The following MAN2B2 variants were observed in gnomAD, a reference collection of about 807,000 sequenced individuals.
MAN2B2 encodes the protein mannosidase alpha class 2B member 2, also known as epididymis-specific alpha-mannosidase.
MAN2B2 carries 106 observed loss-of-function variants against 117.1 expected under a neutral mutation model. The observed-to-expected ratio is 0.90, with a 90% CI of 0.77 to 1.06. The LOEUF (loss-of-function observed/expected upper bound fraction) is 1.06. Ranked by LOEUF, MAN2B2 falls within the 50% of genes least tolerant of loss-of-function variation. The pLI is 0.00. For synonymous variants in MAN2B2, 544 were observed against 595.1 expected (o/e 0.91, Z 1.25); for missense variants, 1,326 against 1,381.4 (o/e 0.96, Z 0.64).
chr4:6,575,300 C>G lies in MAN2B2; in HGVS notation c.90C>G (p.Phe30Leu), dbSNP rs1163778845. 6.3e-7 allele frequency: 1 copy of G among 1,575,234 alleles called. No individual in the cohort carries two copies. Among genetic ancestry groups the G allele is most frequent in the Non-Finnish European group, 8.6e-7 (1 of 1,166,378 alleles). ...AGTCCGCCGGCCCCATCCGGGCCTT[C>G]GTGGTGCCCCACAGCCACATGGACG... ...GVQSAGPIRAFVVPHSHMDVG... is the reference protein window; with the variant it reads ...GVQSAGPIRALVVPHSHMDVG... Residue 30 changes from phenylalanine to leucine, a missense_variant, in exon 1 of 19, where the codon TTC (phenylalanine) becomes TTG (leucine). Coordinates refer to ENST00000285599, the MANE Select transcript of MAN2B2 (RefSeq NM_015274.3).
rs370419622 is a variant in MAN2B2, at chr4:6,598,208, A to G, written c.1259A>G (p.His420Arg). Reference sequence around the variant, plus strand: ...TGGGGGTTGCTGCAGGTCCAGCACCATGATGCCATCACTGGGACTGAGTCC... The same window carrying G: ...TGGGGGTTGCTGCAGGTCCAGCACCGTGATGCCATCACTGGGACTGAGTCC... ...LRWAVSEVQH[H>R]DAITGTESPK... Residue 420 changes from histidine (H) to arginine (R), a missense_variant, in exon 9 of 19, where the codon CAT becomes CGT. Coordinates refer to ENST00000285599, the MANE Select transcript of MAN2B2 (RefSeq NM_015274.3). The G allele has an allele frequency of 5.0e-6, 8 of 1,613,426 alleles. No homozygotes were observed. The African/African-American group carries it at 1.1e-4, about 22-fold the overall frequency.
At position 6,610,968 on chromosome 4, in the gene MAN2B2, G is replaced by A; in HGVS notation, c.2348G>A (p.Ser783Asn). 2 of 1,614,216 alleles carry A rather than the reference G, an allele frequency of 1.2e-6. No individual in the cohort carries two copies. The highest frequency in any genetic ancestry group is 1.7e-6 in the Non-Finnish European group (2 of 1,180,030). The part of the protein sequence containing the change: ...LLSERAHGIS[S>N]QGNGQVEVML... ...TCGGAGCGGGCACATGGCATCTCCA[G>A]CCAAGGGAATGGGCAGGTGGAGGTA... Residue 783 changes from serine (S) to asparagine (N), a missense_variant, in exon 14 of 19, where the codon AGC becomes AAC. Transcript: ENST00000285599.
At chr4:6,590,418 T>G (rs986128266) in intron 5 of MAN2B2, among the ~76,000 whole-genome samples, 1 of 152,078 alleles carries the variant, frequency 6.6e-6, no homozygotes, top group African/African-American at 2.4e-5. Flanking sequence ...TGATGAGGTC[T>G]TTACATCAGT....
intron 3 of MAN2B2, among the ~76,000 whole-genome samples, chr4:6,579,003 T>TCACCACCACCACCACCATCACCATCAC (rs1726182425): frequency 9.2e-6 from 1 of 108,942 alleles, no homozygotes; most frequent in Non-Finnish European, 2.0e-5. Context: ...ACCACTACCA[T>TCACCACCACCACCACCATCACCATCAC]CACCACCACC....
intron 13 of MAN2B2, 55 bp downstream of exon 13, chr4:6,610,105 A>G (rs1727712676): frequency 3.8e-6 from 6 of 1,598,568 alleles, no homozygotes; most frequent in Admixed American, 1.7e-5. Context: ...TCCTGGACCC[A>G]TTAAGCATCA....
intron 7 of MAN2B2, among the ~76,000 whole-genome samples, chr4:6,595,956 G>A (rs1258009425): frequency 6.6e-6 from 1 of 152,196 alleles, no homozygotes; most frequent in Non-Finnish European, 1.5e-5. Context: ...ACACGGGTTG[G>A]GGGATGTCCG....
chr4:6,614,240 A>G lies in MAN2B2; in HGVS notation c.2586A>G (p.Gly862=), dbSNP rs1324422750. The change falls in exon 16 of 19, where the codon GGA becomes GGG. Residue 862 remains glycine, a synonymous_variant. Transcript: ENST00000285599. The part of the protein sequence containing the change: ...DLAGTAPKLP[G]PQQQEAVTLP... ...CAGGGACTGCGCCGAAGCTCCCAGG[A>G]CCCCAGCAGCAAGAGGCCGTGACGC... is the stretch of plus-strand genomic sequence containing the variant. The G allele has an allele frequency of 2.5e-6, 4 of 1,613,986 alleles. No homozygotes were observed. In the South Asian group the frequency reaches 4.4e-5, roughly 18 times the overall value.
At chr4:6,599,369 ATGC>A (rs1277225367) in intron 9 of MAN2B2, among the ~76,000 whole-genome samples, 1 of 152,040 alleles carries the variant, frequency 6.6e-6, no homozygotes, top group Non-Finnish European at 1.5e-5. Context: ...GTCTGTCAAA[ATGC>A]TGCTATCTGG....
chr4:6,600,077 CAGG>C, intron 9 of MAN2B2, among the ~76,000 whole-genome samples: 1 of 152,310 alleles, frequency 6.6e-6, no homozygotes, highest in Middle Eastern at 3.4e-3. Context: ...TTCAGGGATC[CAGG>C]AGTTCTCAGG....
At chr4:6,587,327 G>A (rs1385813876) in intron 4 of MAN2B2, among the ~76,000 whole-genome samples, 159 bp downstream of exon 4, 2 of 152,112 alleles carry the variant, frequency 1.3e-5, no homozygotes, top group South Asian at 2.1e-4. Flanking sequence ...TGCTCTTGTC[G>A]CCTCCTCCAC....
intron 9 of MAN2B2, 104 bp from the exon 10 acceptor site, chr4:6,600,519 A>G: frequency 7.2e-7 from 1 of 1,388,250 alleles, no homozygotes; most frequent in South Asian, 1.3e-5. Context: ...GGAGGGCTGC[A>G]TCTCACCTAC....
intron 13 of MAN2B2, 27 bp downstream of exon 13, chr4:6,610,077 C>G: frequency 1.2e-6 from 2 of 1,611,914 alleles, no homozygotes; most frequent in Non-Finnish European, 1.7e-6. Flanking sequence ...CCACAAGGCA[C>G]GCTCCCAATG....
At chr4:6,587,747 G>GTTTTTTTTT (rs1560641171) in intron 4 of MAN2B2, among the ~76,000 whole-genome samples, 1 of 103,128 alleles carries the variant, frequency 9.7e-6, no homozygotes, top group Non-Finnish European at 2.0e-5. Flanking sequence ...CTTTTGGGTT[G>GTTTTTTTTT]TTGTTTTTTT....
At chr4:6,583,102 T>G (rs1298670635) in intron 3 of MAN2B2, among the ~76,000 whole-genome samples, 1 of 152,210 alleles carries the variant, frequency 6.6e-6, no homozygotes, top group African/African-American at 2.4e-5. Context: ...CTGCCTGAGT[T>G]GCAGTCTAGA....
intron 6 of MAN2B2, 128 bp downstream of exon 6, chr4:6,593,478 ATCC>A: frequency 1.1e-6 from 1 of 926,166 alleles, no homozygotes; most frequent in South Asian, 2.0e-5. Flanking sequence ...CAGTGGCTCC[ATCC>A]TCCTTCCCTG....
Position 6,598,321 on chromosome 4 carries a change from C to G in MAN2B2, c.1372C>G (p.Leu458Val), listed in dbSNP as rs921118551. 1 of 1,613,278 alleles carries G rather than the reference C, an allele frequency of 6.2e-7. No homozygotes were observed. ...KLMASIVLDELQPQAPMAASS... is the reference protein window; with the variant it reads ...KLMASIVLDEVQPQAPMAASS... ...GATGGCCTCCATCGTCCTAGATGAG[C>G]TCCAGCCCCAGGCACCCATGGCGGC... The change falls in exon 9 of 19, where the codon CTC (leucine) becomes GTC (valine). Residue 458 changes from leucine to valine, a missense_variant. Leu to Val is a conservative substitution (Grantham distance 32). Coordinates refer to ENST00000285599, the MANE Select transcript of MAN2B2 (RefSeq NM_015274.3).
At chr4:6,598,893 G>T (rs1458212212) in intron 9 of MAN2B2, among the ~76,000 whole-genome samples, 1 of 152,212 alleles carries the variant, frequency 6.6e-6, no homozygotes, top group African/African-American at 2.4e-5. Flanking sequence ...GGGCAGCCGT[G>T]GGACCAGCCT....
intron 16 of MAN2B2, 52 bp from the exon 17 acceptor site, chr4:6,617,328 T>A: frequency 7.2e-7 from 1 of 1,390,920 alleles, no homozygotes; most frequent in Non-Finnish European, 1.0e-6. Flanking sequence ...ACCAGGGACA[T>A]TGGGGTTGGT....
In MAN2B2 at chr4:6,580,558, G is replaced by A. The variant is rs114094874; in HGVS notation, c.391+2060G>A. 7.9e-3 allele frequency among the ~76,000 whole-genome samples: 1,203 copies of A among 152,258 alleles called. 14 individuals are homozygous for A. Among genetic ancestry groups the A allele is most frequent in the African/African-American group, 0.027 (1,138 of 41,542 alleles). On this transcript the variant is annotated intron_variant, in intron 3 of 18. Coordinates refer to ENST00000285599, the MANE Select transcript of MAN2B2 (RefSeq NM_015274.3). ...CTGTTTCTCACCTGTGCCATTTCAC[G>A]CAGTGCTCCCCCTCATTCTCCACCC...
Sources: allele counts gnomAD v4.1 joint callset (sites outside exome capture counted in the v4.1 genomes callset), GRCh38; gene constraint gnomAD v4.1.1; transcripts MANE v1.5; gene names NCBI Gene and HGNC (gene_info 2026-07-23, HGNC 2026-07-21).